Variants in DOCK4 observed in about 807,000 individuals in gnomAD.
DOCK4 encodes dedicator of cytokinesis 4, also known as dedicator of cytokinesis protein 4.
A neutral mutation model predicts 268.1 loss-of-function variants in DOCK4; 97 were observed. The observed-to-expected ratio is 0.36, with a 90% CI of 0.31 to 0.43. DOCK4 has a LOEUF of 0.43. Among genes scored for constraint, DOCK4 ranks in the 20% least tolerant of loss-of-function variants. DOCK4 has a pLI of 1.00. For synonymous variants in DOCK4, 954 were observed against 887.2 expected (o/e 1.08, Z -1.34); for missense variants, 2,145 against 2,455.7 (o/e 0.87, Z 2.67).
chr7:112,106,123 G>A (rs1207768214), intron 1 of DOCK4, among the ~76,000 whole-genome samples: 4 of 152,274 alleles, frequency 2.6e-5, no homozygotes, highest in African/African-American at 9.6e-5. Flanking sequence ...CTACAGTTCT[G>A]GGGAGGTGAC....
chr7:112,166,794 T>A (rs1159732646), intron 1 of DOCK4, among the ~76,000 whole-genome samples: 6 of 152,178 alleles, frequency 3.9e-5, no homozygotes, highest in Admixed American at 3.9e-4. Context: ...AATAGTTGCA[T>A]GGAATAATAA....
intron 4 of DOCK4, among the ~76,000 whole-genome samples, chr7:111,997,638 T>C (rs950282667): frequency 4.6e-5 from 7 of 152,228 alleles, no homozygotes; most frequent in African/African-American, 1.7e-4. Context: ...AAATAATAAA[T>C]TGCTATTTAT....
Position 112,206,155 on chromosome 7 carries a change from G to C in DOCK4, c.-17C>G. The C allele has an allele frequency of 6.4e-7, 1 of 1,573,910 alleles. No homozygotes were observed. The highest frequency in any genetic ancestry group is 1.2e-5 in the South Asian group (1 of 85,914). On this transcript the variant is annotated 5_prime_UTR_variant, in exon 1 of 53. Coordinates refer to ENST00000428084, the MANE Select transcript of DOCK4 (RefSeq NM_001363540.2). ...TATCCACATGGCTAAAGGGGCTCCG[G>C]GGTCTTCAGGCTTTGTAATCCCCGC... is the stretch of plus-strand genomic sequence containing the variant.
chr7:111,800,550 T>C (rs1563522617), intron 30 of DOCK4, among the ~76,000 whole-genome samples: 1 of 152,162 alleles, frequency 6.6e-6, no homozygotes, highest in Non-Finnish European at 1.5e-5. Flanking sequence ...GGTATTGCAA[T>C]CCACTGGTGT....
chr7:111,940,295 T>A (rs1795107028), intron 10 of DOCK4, 53 bp from the exon 11 acceptor site: 7 of 1,609,992 alleles, frequency 4.3e-6, no homozygotes, highest in South Asian at 3.3e-5. Context: ...ATTAGATGCA[T>A]CTTAGGTAGC....
At chr7:111,771,394 C>T (rs1044491508) in intron 36 of DOCK4, among the ~76,000 whole-genome samples, 2 of 152,150 alleles carry the variant, frequency 1.3e-5, no homozygotes, top group African/African-American at 2.4e-5. Context: ...GAAAGCTGCC[C>T]GACGGGGACA....
At chr7:112,037,191 A>G (rs1406435274) in intron 1 of DOCK4, among the ~76,000 whole-genome samples, 1 of 152,174 alleles carries the variant, frequency 6.6e-6, no homozygotes, top group Non-Finnish European at 1.5e-5. Context: ...GTGTTAGATG[A>G]TTTTGTCCAG....
chr7:112,196,873 AAACT>A (rs1820498528), intron 1 of DOCK4, among the ~76,000 whole-genome samples: 1 of 152,252 alleles, frequency 6.6e-6, no homozygotes. Flanking sequence ...TACCACAATC[AAACT>A]AATTAACTAT....
intron 2 of DOCK4, 52 bp from the exon 3 acceptor site, chr7:112,000,586 A>C: frequency 7.6e-7 from 1 of 1,313,492 alleles, no homozygotes; most frequent in Non-Finnish European, 1.0e-6. Context: ...TAATATTTTA[A>C]AGATAATAAC....
At chr7:112,089,805 T>A (rs1200702664) in intron 1 of DOCK4, among the ~76,000 whole-genome samples, 10 of 152,198 alleles carry the variant, frequency 6.6e-5, no homozygotes, top group Non-Finnish European at 1.5e-4. Flanking sequence ...GAAAGTTTCC[T>A]GAGGACTCCC....
chr7:111,802,455 A>C (rs933200267), intron 30 of DOCK4, among the ~76,000 whole-genome samples: 1 of 152,164 alleles, frequency 6.6e-6, no homozygotes, highest in Non-Finnish European at 1.5e-5. Context: ...AAACCTTTGC[A>C]CAGCTTTTGG....
At chr7:112,018,179 A>AAAAAAAAAAAAAAAAAAAAAAAAAACAAC in intron 1 of DOCK4, among the ~76,000 whole-genome samples, 2 of 72,630 alleles carry the variant, frequency 2.8e-5, no homozygotes, top group Admixed American at 1.3e-4. Context: ...AAAAAAAAAA[A>AAAAAAAAAAAAAAAAAAAAAAAAAACAAC]ACACAGGCAA....
intron 8 of DOCK4, among the ~76,000 whole-genome samples, chr7:111,951,775 G>A (rs1445799999): frequency 6.6e-6 from 1 of 151,922 alleles, no homozygotes; most frequent in African/African-American, 2.4e-5. Flanking sequence ...GAGGTGGGAA[G>A]ACTGCTTGAG....
rs116194627 is a variant in DOCK4 at position 111,846,515 on chromosome 7, G to A, written c.2601+484C>T. On this transcript the variant is annotated intron_variant, in intron 24 of 52. Transcript: ENST00000428084. ...CCATAACAATTTGGAGATCACTGGT[G>A]GGGCCAAGTAATGGTTATACTGTAA... Among the ~76,000 whole-genome samples, 611 of 150,206 alleles carry A rather than the reference G, an allele frequency of 4.1e-3. 6 individuals are homozygous for A. The highest frequency in any genetic ancestry group is 0.015 in the African/African-American group (586 of 39,502).
intron 1 of DOCK4, among the ~76,000 whole-genome samples, chr7:112,004,943 C>A (rs1800735553): frequency 1.3e-5 from 2 of 152,192 alleles, no homozygotes; most frequent in African/African-American, 2.4e-5. Flanking sequence ...TCTGGCAACT[C>A]CAGGAATTAT....
Position 112,165,530 on chromosome 7 carries a change from G to A in DOCK4, c.37+40572C>T, listed in dbSNP as rs1156276993. On this transcript the variant is annotated intron_variant, in intron 1 of 52. Transcript: ENST00000428084. The stretch of plus-strand genomic sequence containing the variant: ...TCATGGTGGAATAGTATACGTGTGT[G>A]TGTGTGTGTGTGTGTGTGTGTGTGT... Among the ~76,000 whole-genome samples, 17 of 50,406 alleles carry A rather than the reference G, an allele frequency of 3.4e-4. No individual in the cohort carries two copies. The African/African-American group carries it at 3.9e-3, about 12-fold the overall frequency. The allele number at this position is 50,406 out of a possible 152,430, so 33.1% of individuals were successfully genotyped here.
intron 16 of DOCK4, among the ~76,000 whole-genome samples, chr7:111,888,095 T>A (rs1341700929): frequency 1.3e-5 from 2 of 151,840 alleles, no homozygotes; most frequent in Non-Finnish European, 2.9e-5. Context: ...AATGGTAAGC[T>A]CTTGTAAATA....
chr7:112,125,298 C>T (rs1813113480), intron 1 of DOCK4, among the ~76,000 whole-genome samples: 1 of 152,154 alleles, frequency 6.6e-6, no homozygotes, highest in Non-Finnish European at 1.5e-5. Context: ...GAGTAATTGT[C>T]TTGCCTCTCA....
At chr7:111,957,296 T>C (rs1796519393) in intron 8 of DOCK4, among the ~76,000 whole-genome samples, 1 of 152,092 alleles carries the variant, frequency 6.6e-6, no homozygotes, top group Non-Finnish European at 1.5e-5. Context: ...TGTTAAGAAA[T>C]GTGAAATACT....
Sources: allele counts gnomAD v4.1 joint callset (sites outside exome capture counted in the v4.1 genomes callset), GRCh38; gene constraint gnomAD v4.1.1; transcripts MANE v1.5; gene names NCBI Gene and HGNC (gene_info 2026-07-23, HGNC 2026-07-21).